The following KCNH8 variants were observed in gnomAD, a reference collection of about 807,000 sequenced individuals.
The protein encoded by KCNH8 is potassium voltage-gated channel subfamily H member 8, also known as voltage-gated delayed rectifier potassium channel KCNH8.
In KCNH8, 70 loss-of-function variants were observed where a neutral mutation model predicts 103.6. The observed-to-expected ratio is 0.68, with a 90% CI of 0.56 to 0.82. KCNH8 has a LOEUF of 0.82. Among genes scored for constraint, KCNH8 ranks in the 40% least tolerant of loss-of-function variants. The probability of loss-of-function intolerance (pLI) is 0.00; values close to 1 mark genes in which losing one functional copy is unlikely to be tolerated. For missense variants in KCNH8, 1,217 were observed against 1,329.9 expected (o/e 0.92, Z 1.32); for synonymous variants, 498 against 489.4 (o/e 1.02, Z -0.23).
At chr3:19,227,032 C>G (rs2063940187) in intron 1 of KCNH8, among the ~76,000 whole-genome samples, 1 of 152,150 alleles carries the variant, frequency 6.6e-6, no homozygotes. Context: ...CTGGATAGGT[C>G]CAGTGACACT....
intron 3 of KCNH8, among the ~76,000 whole-genome samples, chr3:19,284,911 G>GAA (rs1488292966): frequency 6.7e-6 from 1 of 149,070 alleles, no homozygotes; most frequent in Non-Finnish European, 1.5e-5. Flanking sequence ...GAAAAGGAAA[G>GAA]AAAGAAAAGA....
rs141515472 is a variant in KCNH8, at chr3:19,228,234, T to C, written c.77-25420T>C. 4.4e-3 allele frequency among the ~76,000 whole-genome samples: 673 copies of C among 152,312 alleles called. 4 individuals carry two copies. Among genetic ancestry groups the C allele is most frequent in the African/African-American group, 0.015 (641 of 41,566 alleles). ...TGATATTATTATTTAATGACAATAA[T>C]TGTTTACATATTTTCTGTGGCTGTT... On this transcript the variant is annotated intron_variant, in intron 1 of 15. Coordinates refer to ENST00000328405, the MANE Select transcript of KCNH8 (RefSeq NM_144633.3).
At chr3:19,177,609 T>G (rs772319611) in intron 1 of KCNH8, among the ~76,000 whole-genome samples, 5 of 152,014 alleles carry the variant, frequency 3.3e-5, no homozygotes, top group Admixed American at 6.6e-5. Context: ...GCATGTATAT[T>G]TAAATACATG....
chr3:19,277,972 G>A (rs2064698658), intron 2 of KCNH8, among the ~76,000 whole-genome samples: 1 of 152,082 alleles, frequency 6.6e-6, no homozygotes, highest in Non-Finnish European at 1.5e-5. Flanking sequence ...GAGGCTGTGG[G>A]ACTTGCAGCC....
chr3:19,528,287 AACTT>A (rs2069100321), intron 15 of KCNH8, among the ~76,000 whole-genome samples: 1 of 152,066 alleles, frequency 6.6e-6, no homozygotes, highest in South Asian at 2.1e-4. Flanking sequence ...AACTCTTAAT[AACTT>A]AATTGAATTC....
At chr3:19,472,029 TATA>T (rs1167063919) in intron 11 of KCNH8, among the ~76,000 whole-genome samples, 1 of 152,226 alleles carries the variant, frequency 6.6e-6, no homozygotes, top group Non-Finnish European at 1.5e-5. Flanking sequence ...AAAAATGAAT[TATA>T]AGAATTCTAC....
intron 2 of KCNH8, among the ~76,000 whole-genome samples, chr3:19,263,676 C>T (rs2064466685): frequency 6.6e-6 from 1 of 152,064 alleles, no homozygotes; most frequent in Non-Finnish European, 1.5e-5. Context: ...TAGGAGATTA[C>T]ATAGCATAAC....
chr3:19,415,015 T>C (rs1004232961), intron 7 of KCNH8, among the ~76,000 whole-genome samples: 4 of 151,822 alleles, frequency 2.6e-5, no homozygotes, highest in African/African-American at 9.7e-5. Flanking sequence ...TGCTCCCTCT[T>C]TCTCTCCTCT....
intron 3 of KCNH8, among the ~76,000 whole-genome samples, chr3:19,322,753 G>A (rs2065366760): frequency 6.6e-6 from 1 of 152,156 alleles, no homozygotes; most frequent in Non-Finnish European, 1.5e-5. Flanking sequence ...AGCAAGGCCA[G>A]GGAAGCTTTC....
chr3:19,446,082 T>C (rs1302621294), intron 8 of KCNH8, among the ~76,000 whole-genome samples: 2 of 152,066 alleles, frequency 1.3e-5, no homozygotes, highest in Admixed American at 1.3e-4. Context: ...TATCAAAAAA[T>C]AGTTTTCCAG....
At chr3:19,490,786 G>A (rs1466038006) in intron 11 of KCNH8, among the ~76,000 whole-genome samples, 1 of 152,108 alleles carries the variant, frequency 6.6e-6, no homozygotes, top group East Asian at 1.9e-4. Flanking sequence ...CTAATTCAAT[G>A]GTTTCACATC....
chr3:19,276,562 G>A (rs1357145062), intron 2 of KCNH8, among the ~76,000 whole-genome samples: 2 of 151,940 alleles, frequency 1.3e-5, no homozygotes, highest in African/African-American at 4.8e-5. Flanking sequence ...CATCATGACA[G>A]CACAGTCATT....
intron 1 of KCNH8, among the ~76,000 whole-genome samples, chr3:19,198,103 T>C (rs1362454124): frequency 6.6e-6 from 1 of 152,088 alleles, no homozygotes; most frequent in Non-Finnish European, 1.5e-5. Context: ...AAACATTTAT[T>C]GAGTATTCGT....
intron 3 of KCNH8, among the ~76,000 whole-genome samples, chr3:19,300,999 C>T (rs903953846): frequency 2.0e-5 from 3 of 151,578 alleles, no homozygotes; most frequent in Admixed American, 2.0e-4. Context: ...TGAGTGCTTA[C>T]AAGATATTCT....
intron 5 of KCNH8, among the ~76,000 whole-genome samples, chr3:19,374,359 T>A (rs1324806570): frequency 6.6e-6 from 1 of 151,808 alleles, no homozygotes. Context: ...TTTACCATTA[T>A]GTAATGGCCT....
At chr3:19,457,264 A>G (rs1428160791) in intron 11 of KCNH8, among the ~76,000 whole-genome samples, 1 of 152,006 alleles carries the variant, frequency 6.6e-6, no homozygotes, top group Non-Finnish European at 1.5e-5. Flanking sequence ...TCAGTTATAT[A>G]TAACATTAGG....
At chr3:19,531,417 T>C (rs533616648) in intron 15 of KCNH8, among the ~76,000 whole-genome samples, 36 of 152,346 alleles carry the variant, frequency 2.4e-4, no homozygotes, top group African/African-American at 7.7e-4. Context: ...TCAAAGCATA[T>C]TGAATTTTTC....
chr3:19,303,335 A>C (rs1331500194), intron 3 of KCNH8, among the ~76,000 whole-genome samples: 1 of 152,204 alleles, frequency 6.6e-6, no homozygotes, highest in African/African-American at 2.4e-5. Flanking sequence ...AATAATAGAA[A>C]AGACAGTAAG....
At chr3:19,385,197 A>C (rs2066339754) in intron 5 of KCNH8, among the ~76,000 whole-genome samples, 1 of 152,166 alleles carries the variant, frequency 6.6e-6, no homozygotes, top group African/African-American at 2.4e-5. Flanking sequence ...GTTATGAGAA[A>C]GAAGGCATTT....
Sources: gnomAD v4.1 joint callset for allele counts (sites outside exome capture counted in the v4.1 genomes callset) on GRCh38, gnomAD v4.1.1 for gene constraint, MANE v1.5 for transcripts, NCBI Gene and HGNC (gene_info 2026-07-23, HGNC 2026-07-21) for gene names.